Variants in PIAS4 observed in about 807,000 individuals in gnomAD.
PIAS4 encodes protein inhibitor of activated STAT 4.
PIAS4 carries 7 observed loss-of-function variants against 58.0 expected under a neutral mutation model. The observed-to-expected ratio is 0.12, with a 90% confidence interval of 0.07 to 0.23. PIAS4 has a LOEUF of 0.23. Ranked by LOEUF, PIAS4 falls within the 10% of genes least tolerant of loss-of-function variation. The probability of loss-of-function intolerance (pLI) is 1.00; values close to 1 mark genes in which losing one functional copy is unlikely to be tolerated. For synonymous variants in PIAS4, 364 were observed against 312.4 expected, an observed-to-expected ratio of 1.17 and a Z score of -1.74; for missense variants, 550 against 709.5, an observed-to-expected ratio of 0.78 and a Z score of 2.55.
chr19:4,032,915 T>C (rs952265667), intron 7 of PIAS4, among the ~76,000 whole-genome samples, 185 bp from the exon 8 acceptor site: 1 of 152,174 alleles, frequency 6.6e-6, no homozygotes, highest in Non-Finnish European at 1.5e-5. Flanking sequence ...TGGTCAAATC[T>C]AATGGTGGTT....
chr19:4,017,150 C>T (rs2040060460), intron 2 of PIAS4, among the ~76,000 whole-genome samples: 1 of 152,168 alleles, frequency 6.6e-6, no homozygotes, highest in Admixed American at 6.5e-5. Context: ...CTTCCCATAC[C>T]TGTGGTTGGG....
chr19:4,031,174 G>T (rs2040219518), intron 7 of PIAS4, among the ~76,000 whole-genome samples: 1 of 152,140 alleles, frequency 6.6e-6, no homozygotes, highest in Non-Finnish European at 1.5e-5. Flanking sequence ...CAGGCCTCTG[G>T]TCCCTGTTCC....
rs1271331907 is a variant in PIAS4, at chr19:4,028,603, G to A, written c.672+3G>A. ...ACCACAGCTACTGCTCCGTCCCGGT[G>A]AGCATGCCCCGCCCCCGCGTCGGCT... On this transcript the variant is annotated splice_donor_region_variant and intron_variant, in intron 5 of 10. Transcript: ENST00000262971. The A allele has an allele frequency of 1.2e-6, 2 of 1,612,576 alleles. No individual in the cohort carries two copies. The highest frequency in any genetic ancestry group is 1.7e-6 in the Non-Finnish European group (2 of 1,179,692).
In PIAS4 at chr19:4,037,979, G is replaced by A. The variant is rs1280572106; in HGVS notation, c.*104G>A. 7.0e-6 allele frequency: 9 copies of A among 1,277,362 alleles called. No homozygotes were observed. The highest frequency in any genetic ancestry group is 5.5e-5 in the Admixed American group (2 of 36,236). The allele number at this position is 1,277,362 out of a possible 1,614,324, so 79.1% of individuals were successfully genotyped here. A position where few individuals can be genotyped will look rare whatever the true frequency, so the allele number is the denominator to read the frequency against. On this transcript the variant is annotated 3_prime_UTR_variant, in exon 11 of 11. Transcript: ENST00000262971. This position sits in a 1 kb window ranked among gnomAD's most constrained non-coding sequence, Gnocchi z 5.8. ...GACCTTTCTTTTTCTTTTTATTGTCGTTCGTTTTGTTTTTCCACCCTTTTG... is the reference window on the plus strand; with the variant it reads ...GACCTTTCTTTTTCTTTTTATTGTCATTCGTTTTGTTTTTCCACCCTTTTG...
intron 2 of PIAS4, among the ~76,000 whole-genome samples, chr19:4,015,801 G>A (rs2040046707): frequency 6.6e-6 from 1 of 152,218 alleles, no homozygotes; most frequent in Non-Finnish European, 1.5e-5. Context: ...CCACCGCTCT[G>A]GTCTGTTTCC....
chr19:4,014,428 C>G (rs1057268981), intron 2 of PIAS4, among the ~76,000 whole-genome samples: 1 of 152,192 alleles, frequency 6.6e-6, no homozygotes, highest in Non-Finnish European at 1.5e-5. Context: ...GAGTGTGCAG[C>G]CTCTGGGACT....
At chr19:4,022,614 C>G (rs527616471) in intron 2 of PIAS4, among the ~76,000 whole-genome samples, 1 of 151,862 alleles carries the variant, frequency 6.6e-6, no homozygotes, top group African/African-American at 2.4e-5. Flanking sequence ...GATCCACCCC[C>G]CTCGGCCTCC....
In PIAS4 at chr19:4,013,268, A is replaced by G. The variant is rs754342767; in HGVS notation, c.373A>G (p.Lys125Glu). ...YLNGLGRLPA[K>E]TLKPEVRLVK... ...AAACGGACTGGGACGGTTGCCCGCC[A>G]AGACCCTCAAGCCAGAAGTCCGCCT... The change falls in exon 2 of 11, where the codon AAG becomes GAG. Residue 125 changes from lysine (K) to glutamate (E), a missense_variant. Around this residue, in one of 4 missense-constraint regions of PIAS4, gnomAD observed 95 missense variants for 87.5 expected, o/e 1.09. Coordinates refer to ENST00000262971, the MANE Select transcript of PIAS4 (RefSeq NM_015897.4). This position sits in a 1 kb window ranked among gnomAD's most constrained non-coding sequence, Gnocchi z 5.1. 3.7e-6 allele frequency: 6 copies of G among 1,613,258 alleles called. No individual in the cohort carries two copies. In the Admixed American group the frequency reaches 1.0e-4, roughly 27 times the overall value.
Position 4,033,158 on chromosome 19 carries a change from G to T in PIAS4, c.966G>T (p.Val322=), listed in dbSNP as rs768891252. 2 of 1,610,388 alleles carry T rather than the reference G, an allele frequency of 1.2e-6. No homozygotes were observed. Among genetic ancestry groups the T allele is most frequent in the Non-Finnish European group, 1.7e-6 (2 of 1,179,554 alleles). The part of the protein sequence containing the change: ...DSEIATTGVR[V]SLICPLVKMR... ...AGATCGCCACCACCGGTGTGCGGGTGTCCCTCATCTGTCCGGTGAGTCGGG... is the reference window on the plus strand; with the variant it reads ...AGATCGCCACCACCGGTGTGCGGGTTTCCCTCATCTGTCCGGTGAGTCGGG... Residue 322 remains valine, a synonymous_variant, in exon 8 of 11, where the codon GTG becomes GTT. Transcript: ENST00000262971.
intron 2 of PIAS4, among the ~76,000 whole-genome samples, chr19:4,020,345 A>G (rs1176007231): frequency 1.3e-5 from 2 of 152,034 alleles, no homozygotes; most frequent in African/African-American, 2.4e-5. Flanking sequence ...CCGTCCTGGG[A>G]GCACCTGGGA....
At chr19:4,023,591 A>AC (rs1214493664) in intron 2 of PIAS4, among the ~76,000 whole-genome samples, 18 of 151,910 alleles carry the variant, frequency 1.2e-4, no homozygotes, top group Non-Finnish European at 1.6e-4. Context: ...TCCCGTCAGT[A>AC]CCCCCCGCAC....
At chr19:4,027,389 G>A (rs1036429849) in intron 3 of PIAS4, among the ~76,000 whole-genome samples, 22 of 152,266 alleles carry the variant, frequency 1.4e-4, no homozygotes, top group South Asian at 6.2e-4. Flanking sequence ...GCTGGGTCGC[G>A]TCCCGTGCGT....
chr19:4,028,445 C>G, intron 4 of PIAS4, 65 bp from the exon 5 acceptor site: 3 of 1,205,900 alleles, frequency 2.5e-6, no homozygotes, highest in Non-Finnish European at 3.6e-6. Context: ...CTCGTGTACC[C>G]CCGCAGCAGC....
chr19:4,025,545 C>G (rs2040154663), intron 3 of PIAS4, among the ~76,000 whole-genome samples: 1 of 152,216 alleles, frequency 6.6e-6, no homozygotes, highest in South Asian at 2.1e-4. Context: ...CCACCGCCCC[C>G]ACCTGCTGTG....
chr19:4,022,420 G>GCTCACTGCAAGCTTCGC (rs2040119181), intron 2 of PIAS4, among the ~76,000 whole-genome samples: 2 of 151,932 alleles, frequency 1.3e-5, no homozygotes, highest in South Asian at 4.2e-4. Flanking sequence ...CACGATCTTG[G>GCTCACTGCAAGCTTCGC]CTCACTGCAA....
intron 1 of PIAS4, among the ~76,000 whole-genome samples, chr19:4,008,560 C>T (rs901866532): frequency 6.6e-6 from 1 of 152,164 alleles, no homozygotes; most frequent in Non-Finnish European, 1.5e-5. Context: ...GACCACTCTT[C>T]TTGGTCACAG....
rs753182828 is a variant in PIAS4, at chr19:4,037,800, GGAAGACGAGGAC to G, written c.1464_1475del (p.Asp488_Glu491del). 7.2e-5 allele frequency: 115 copies of G among 1,590,250 alleles called. No individual in the cohort carries two copies. Among genetic ancestry groups the G allele is most frequent in the Non-Finnish European group, 8.9e-5 (104 of 1,168,836 alleles). On this transcript the variant is annotated inframe_deletion, in exon 11 of 11. Transcript: ENST00000262971. The surrounding 1 kb of genome is among the most constrained non-coding windows in gnomAD (Gnocchi z 5.8). Reference sequence around the variant, plus strand: ...ATGAGGAGGAGGAGGAAGAGGAGGAGGAAGACGAGGACGAAGAGGGGCCCCGGCCCAAGCGCC... The same window carrying G: ...ATGAGGAGGAGGAGGAAGAGGAGGAGGAAGAGGGGCCCCGGCCCAAGCGCC...
At chr19:4,019,928 T>G (rs1371612910) in intron 2 of PIAS4, among the ~76,000 whole-genome samples, 1 of 151,390 alleles carries the variant, frequency 6.6e-6, no homozygotes, top group Non-Finnish European at 1.5e-5. Flanking sequence ...TTTTCTTTTT[T>G]TTTTTTTTGA....
intron 2 of PIAS4, among the ~76,000 whole-genome samples, chr19:4,020,021 A>G (rs1301521004): frequency 4.6e-5 from 7 of 150,580 alleles, no homozygotes; most frequent in Non-Finnish European, 8.9e-5. Context: ...GGTTCACGCC[A>G]TTCTCCTGCC....
Sources: gnomAD v4.1 joint callset for allele counts (sites outside exome capture counted in the v4.1 genomes callset) on GRCh38, gnomAD v4.1.1 for gene constraint, gnomAD v4.1.1 regional missense constraint, Gnocchi (gnomAD v3.1) non-coding constraint, MANE v1.5 for transcripts, NCBI Gene and HGNC (gene_info 2026-07-23, HGNC 2026-07-21) for gene names.